The following USP20 variants were observed in gnomAD, a reference collection of about 807,000 sequenced individuals.
USP20 encodes the protein ubiquitin specific peptidase 20, also known as ubiquitin carboxyl-terminal hydrolase 20.
In USP20, 80 loss-of-function variants were observed where a neutral mutation model predicts 124.2. That is an observed-to-expected ratio of 0.64 (90% confidence interval 0.54 to 0.78). The LOEUF (loss-of-function observed/expected upper bound fraction) is 0.78. Ranked by LOEUF, USP20 falls within the 30% of genes least tolerant of loss-of-function variation. USP20 has a pLI of 0.00. For missense variants in USP20, 1,043 were observed against 1,244.4 expected, an observed-to-expected ratio of 0.84 and a Z score of 2.44; for synonymous variants, 481 against 512.3, an observed-to-expected ratio of 0.94 and a Z score of 0.83.
chr9:129,873,231 G>A (rs907150085), intron 15 of USP20, among the ~76,000 whole-genome samples: 2 of 151,550 alleles, frequency 1.3e-5, no homozygotes, highest in African/African-American at 2.4e-5. Context: ...TTACAGGCAC[G>A]CACCACCACG....
At chr9:129,873,391 A>G in intron 15 of USP20, 91 bp from the exon 16 acceptor site, 5 of 1,539,072 alleles carry the variant, frequency 3.2e-6, no homozygotes, top group East Asian at 4.5e-5. Flanking sequence ...GCCAGGTTTT[A>G]TTTCTTAAGC....
intron 10 of USP20, 117 bp downstream of exon 10, chr9:129,865,498 C>A: frequency 9.4e-7 from 1 of 1,069,268 alleles, no homozygotes; most frequent in Non-Finnish European, 1.4e-6. Flanking sequence ...TGGCAGGTCT[C>A]ACGGACCAGG....
At chr9:129,877,769 C>G (rs548596186) in intron 22 of USP20, among the ~76,000 whole-genome samples, 1 of 152,006 alleles carries the variant, frequency 6.6e-6, no homozygotes, top group Non-Finnish European at 1.5e-5. Flanking sequence ...TCTATTCAAC[C>G]GGAGAAAATT....
intron 22 of USP20, among the ~76,000 whole-genome samples, chr9:129,876,685 G>T (rs1455343072): frequency 1.3e-5 from 2 of 151,688 alleles, no homozygotes; most frequent in African/African-American, 4.8e-5. Flanking sequence ...CTTCTGCGGG[G>T]AACTAGATGG....
At chr9:129,867,726 G>A (rs1251332360) in intron 10 of USP20, among the ~76,000 whole-genome samples, 1 of 152,180 alleles carries the variant, frequency 6.6e-6, no homozygotes, top group Non-Finnish European at 1.5e-5. Flanking sequence ...CGGAGCCGGG[G>A]AGTTGCATGG....
chr9:129,869,885 C>CT (rs397690107), intron 14 of USP20, 41 bp downstream of exon 14: 45 of 1,604,560 alleles, frequency 2.8e-5, no homozygotes, highest in Non-Finnish European at 3.7e-5. Context: ...TGGGCTGGGC[C>CT]TGTCCTGGTT....
In USP20 at chr9:129,874,962, G is replaced by A. The variant is rs143341314; in HGVS notation, c.2048+7G>A. ...GCTACGTACTCTTCTACAGGTGGGC[G>A]CTGGGCCAGGCCTGGTGGAGGAACC... is the stretch of plus-strand genomic sequence containing the variant. On this transcript the variant is annotated splice_region_variant and intron_variant, in intron 19 of 25. Coordinates refer to ENST00000372429, the MANE Select transcript of USP20 (RefSeq NM_001110303.4). The A allele has an allele frequency of 8.0e-4, 1,286 of 1,612,546 alleles. 10 individuals carry two copies. The highest frequency in any genetic ancestry group is 7.6e-3 in the Middle Eastern group (43 of 5,676).
At chr9:129,856,220 G>A in intron 3 of USP20, 87 bp from the exon 4 acceptor site, 2 of 1,364,646 alleles carry the variant, frequency 1.5e-6, no homozygotes, top group Non-Finnish European at 2.1e-6. Flanking sequence ...AGCCAGGTGG[G>A]GCCCTCCAGG....
At chr9:129,866,850 C>A (rs2033843419) in intron 10 of USP20, among the ~76,000 whole-genome samples, 1 of 152,238 alleles carries the variant, frequency 6.6e-6, no homozygotes, top group African/African-American at 2.4e-5. Flanking sequence ...AAAGCCTCTT[C>A]TTGAAAGGGC....
Position 129,868,337 on chromosome 9 carries a change from G to A in USP20, c.1023G>A (p.Ser341=), listed in dbSNP as rs758892167. The A allele has an allele frequency of 2.0e-5, 33 of 1,613,432 alleles. No homozygotes were observed. The highest frequency in any genetic ancestry group is 3.3e-5 in the Admixed American group (2 of 59,986). Residue 341 remains serine (S), a synonymous_variant, in exon 11 of 26, where the codon TCG becomes TCA. Transcript: ENST00000372429. ...CCTGGGGCCAGCAGCGTACAAACTC[G>A]GAGCAAGTGGACGAGGACGCTGATG... ...KFSWGQQRTN[S]EQVDEDADVD...
intron 16 of USP20, 50 bp from the exon 17 acceptor site, chr9:129,873,649 C>T (rs2034242288): frequency 1.9e-6 from 3 of 1,613,458 alleles, no homozygotes; most frequent in Admixed American, 1.7e-5. Context: ...GCTTCCCTGG[C>T]CCCTGGCCCT....
Position 129,881,750 on chromosome 9 carries a change from G to C in USP20, c.*1300G>C, listed in dbSNP as rs1707774230. ...ACTGTCGCGACGCAGAGAGGCTTCT[G>C]TGCAGGCTGGGATCGGGCCCCATGT... On this transcript the variant is annotated 3_prime_UTR_variant, in exon 26 of 26. Transcript: ENST00000372429. 1 of 152,300 alleles carries C rather than the reference G, an allele frequency of 6.6e-6. No homozygotes were observed. The highest frequency in any genetic ancestry group is 2.4e-5 in the African/African-American group (1 of 41,474). 9.4% of individuals were successfully genotyped at this position (152,300 alleles called of 1,614,324 possible).
chr9:129,847,263 G>T (rs1417317405), intron 1 of USP20, among the ~76,000 whole-genome samples: 1 of 150,830 alleles, frequency 6.6e-6, no homozygotes, highest in Non-Finnish European at 1.5e-5. Flanking sequence ...AGTGCACAGG[G>T]CTCCAATTTA....
At chr9:129,876,729 G>A (rs1440843622) in intron 22 of USP20, among the ~76,000 whole-genome samples, 1 of 152,108 alleles carries the variant, frequency 6.6e-6, no homozygotes, top group Non-Finnish European at 1.5e-5. Context: ...CTGGTGGGAG[G>A]GTTGGCTTGA....
chr9:129,843,019 CAT>C (rs2032320120), intron 1 of USP20, among the ~76,000 whole-genome samples: 1 of 152,052 alleles, frequency 6.6e-6, no homozygotes, highest in African/African-American at 2.4e-5. Context: ...TGCACATACT[CAT>C]ATACTGCTGA....
intron 19 of USP20, 79 bp downstream of exon 19, chr9:129,875,034 A>G (rs2034323098): frequency 1.9e-6 from 3 of 1,553,978 alleles, no homozygotes; most frequent in Non-Finnish European, 2.6e-6. Flanking sequence ...GGGTGTGTGT[A>G]GGGGACAGCG....
chr9:129,870,570 G>A (rs757109317), intron 15 of USP20, 23 bp downstream of exon 15: 2 of 1,613,414 alleles, frequency 1.2e-6, no homozygotes, highest in Non-Finnish European at 1.7e-6. Flanking sequence ...GCTGGCAAGG[G>A]TCGGGGAGGT....
chr9:129,868,574 G>A (rs2033947889), intron 11 of USP20, 125 bp downstream of exon 11: 2 of 1,442,732 alleles, frequency 1.4e-6, no homozygotes, highest in East Asian at 2.5e-5. Flanking sequence ...ATGACAGTGG[G>A]GAAGTCAGCC....
intron 1 of USP20, among the ~76,000 whole-genome samples, chr9:129,840,842 C>T (rs2032164763): frequency 6.7e-6 from 1 of 149,160 alleles, no homozygotes; most frequent in Non-Finnish European, 1.5e-5. Flanking sequence ...GCCATCTCAG[C>T]TCACTGCAAC....
Sources: allele counts gnomAD v4.1 joint callset (sites outside exome capture counted in the v4.1 genomes callset), GRCh38; gene constraint gnomAD v4.1.1; transcripts MANE v1.5; gene names NCBI Gene and HGNC (gene_info 2026-07-23, HGNC 2026-07-21).